TLK2: variants seen among roughly 807,000 people sequenced by gnomAD.
TLK2 encodes tousled like kinase 2, also known as serine/threonine-protein kinase tousled-like 2.
TLK2 carries 6 observed loss-of-function variants against 117.3 expected under a neutral mutation model. That is an observed-to-expected ratio of 0.05 (90% CI 0.03 to 0.10). The LOEUF (loss-of-function observed/expected upper bound fraction) is 0.10. TLK2 is among the 10% of genes least tolerant of loss of function. The pLI is 1.00. For missense variants in TLK2, 299 were observed against 901.2 expected, an observed-to-expected ratio of 0.33 and a Z score of 8.56; for synonymous variants, 257 against 316.7, an observed-to-expected ratio of 0.81 and a Z score of 2.00.
chr17:62,476,389 C>A (rs1299560567), upstream of TLK2, among the ~76,000 whole-genome samples: 3 of 151,644 alleles, frequency 2.0e-5, no homozygotes, highest in Admixed American at 6.6e-5. Flanking sequence ...CGAGACCAGT[C>A]TGGCCAACAT....
At chr17:62,537,625 C>T (rs1419662836) in intron 7 of TLK2, among the ~76,000 whole-genome samples, 2 of 152,152 alleles carry the variant, frequency 1.3e-5, no homozygotes, top group Admixed American at 6.5e-5. Flanking sequence ...TTTCTGCTTG[C>T]ACCCTGAGCT....
chr17:62,556,608 C>G (rs1030179894), intron 9 of TLK2, among the ~76,000 whole-genome samples: 1 of 152,164 alleles, frequency 6.6e-6, no homozygotes. Flanking sequence ...TTCAGTTTTT[C>G]AAGCATTTCG....
At chr17:62,570,799 G>T (rs1210075900) in intron 11 of TLK2, among the ~76,000 whole-genome samples, 2 of 152,124 alleles carry the variant, frequency 1.3e-5, no homozygotes, top group Non-Finnish European at 2.9e-5. Flanking sequence ...TGGTGAATCT[G>T]AAGAGATTAA....
chr17:62,549,476 T>C (rs1291946644), intron 7 of TLK2, among the ~76,000 whole-genome samples: 1 of 125,538 alleles, frequency 8.0e-6, no homozygotes, highest in Non-Finnish European at 1.7e-5. Flanking sequence ...GTAAAAGCAA[T>C]CAAATGATAA....
At chr17:62,542,330 A>G (rs1276820871) in intron 7 of TLK2, among the ~76,000 whole-genome samples, 1 of 152,196 alleles carries the variant, frequency 6.6e-6, no homozygotes, top group East Asian at 1.9e-4. Flanking sequence ...TGTGTTGCCT[A>G]GGCTGGTCTT....
chr17:62,478,472 G>A (rs1374232537), upstream of TLK2, among the ~76,000 whole-genome samples: 1 of 150,134 alleles, frequency 6.7e-6, no homozygotes, highest in Non-Finnish European at 1.5e-5. Flanking sequence ...GCGGCGGCGG[G>A]TCCTCCGGGC....
At chr17:62,483,558 A>G (rs1005458520) in intron 2 of TLK2, among the ~76,000 whole-genome samples, 3 of 152,228 alleles carry the variant, frequency 2.0e-5, no homozygotes, top group Non-Finnish European at 4.4e-5. Flanking sequence ...GCTGGAGTGC[A>G]GTGGCACGAT....
Position 62,578,586 on chromosome 17 carries a change from CA to C in TLK2, c.1286+13del, listed in dbSNP as rs1374039291. ...GAAGATAATTCACAGTAAGCTACTT[CA>C]GGGCATATTGGGTTGGAGATTGCTA... On this transcript the variant is annotated intron_variant, in intron 14 of 21. Coordinates refer to ENST00000346027, the MANE Select transcript of TLK2 (RefSeq NM_006852.6). The C allele has an allele frequency of 6.3e-7, 1 of 1,597,304 alleles. No homozygotes were observed. The highest frequency in any genetic ancestry group is 1.3e-5 in the African/African-American group (1 of 74,680).
At chr17:62,610,524 G>A (rs905923470) in intron 21 of TLK2, among the ~76,000 whole-genome samples, 2 of 152,222 alleles carry the variant, frequency 1.3e-5, no homozygotes, top group African/African-American at 4.8e-5. Context: ...ATGAGGAGGT[G>A]GAAACCTCTT....
intron 6 of TLK2, among the ~76,000 whole-genome samples, chr17:62,532,247 C>T (rs2076793151): frequency 6.6e-6 from 1 of 151,954 alleles, no homozygotes; most frequent in African/African-American, 2.4e-5. Context: ...CCCAGGGAGA[C>T]GTTGGTTCAA....
At position 62,608,001 on chromosome 17, in the gene TLK2, C is replaced by T. The variant is rs145600008; in HGVS notation, c.1972-40C>T. 939 of 1,531,602 alleles carry T rather than the reference C, an allele frequency of 6.1e-4. 4 individuals are homozygous for T. The highest frequency in any genetic ancestry group is 4.6e-3 in the South Asian group (394 of 85,304). The allele number at this position is 1,531,602 out of a possible 1,614,324, so 94.9% of individuals were successfully genotyped here. ...ATTGAATTGTTTTCTCTATAATTTT[C>T]ATCAGAGGCCTACATTATTTGTTTG... On this transcript the variant is annotated intron_variant, in intron 20 of 21. Transcript: ENST00000346027.
At chr17:62,516,246 T>G (rs912502004) in intron 2 of TLK2, 9 of 824,884 alleles carry the variant, frequency 1.1e-5, no homozygotes, top group African/African-American at 1.7e-5. Flanking sequence ...CTTCTAAGAG[T>G]TGATTATAGT....
chr17:62,484,087 G>C (rs1412167163), intron 2 of TLK2, among the ~76,000 whole-genome samples: 8 of 152,046 alleles, frequency 5.3e-5, no homozygotes, highest in Admixed American at 5.2e-4. Context: ...CTCCCAAAGT[G>C]CTGGGATTAT....
At chr17:62,599,488 T>C (rs2082721845) in intron 17 of TLK2, among the ~76,000 whole-genome samples, 1 of 152,172 alleles carries the variant, frequency 6.6e-6, no homozygotes, top group Non-Finnish European at 1.5e-5. Flanking sequence ...CATGTGTCCA[T>C]TGGTGTTCTG....
chr17:62,566,548 G>A (rs150613345), intron 11 of TLK2, among the ~76,000 whole-genome samples: 57 of 152,282 alleles, frequency 3.7e-4, no homozygotes, highest in African/African-American at 1.3e-3. Flanking sequence ...GGAAAGCACA[G>A]ACTTTTCTTA....
At chr17:62,581,612 A>AT (rs1295906038) in intron 15 of TLK2, among the ~76,000 whole-genome samples, 20 of 148,838 alleles carry the variant, frequency 1.3e-4, no homozygotes, top group East Asian at 2.0e-4. Context: ...TAATTTTTGT[A>AT]TTTTTTTTTA....
At chr17:62,612,029 G>A (rs942938108) in intron 21 of TLK2, 68 of 161,560 alleles carry the variant, frequency 4.2e-4, no homozygotes, top group Middle Eastern at 2.8e-3. Flanking sequence ...ATGGAGGACC[G>A]TGAAGTTAGA....
intron 14 of TLK2, among the ~76,000 whole-genome samples, chr17:62,579,623 T>G (rs1270651094): frequency 6.6e-6 from 1 of 152,236 alleles, no homozygotes; most frequent in Non-Finnish European, 1.5e-5. Context: ...AACACAGTTA[T>G]ATCTGTCTTA....
intron 17 of TLK2, among the ~76,000 whole-genome samples, chr17:62,599,849 A>G (rs1034230921): frequency 2.0e-5 from 3 of 152,200 alleles, no homozygotes; most frequent in Non-Finnish European, 4.4e-5. Context: ...AGGAATATTC[A>G]AACAGTTCAG....
Sources: allele counts gnomAD v4.1 joint callset (sites outside exome capture counted in the v4.1 genomes callset), GRCh38; gene constraint gnomAD v4.1.1; transcripts MANE v1.5; gene names NCBI Gene and HGNC (gene_info 2026-07-23, HGNC 2026-07-21).